Variants in WWOX observed in about 807,000 individuals in gnomAD.
The protein encoded by WWOX is WW domain containing oxidoreductase, also known as WW domain-containing oxidoreductase.
WWOX carries 69 observed loss-of-function variants against 46.2 expected under a neutral mutation model. The observed-to-expected ratio is 1.49, with a 90% CI of 1.23 to 1.82. WWOX has a LOEUF of 1.82. Among genes scored for constraint, WWOX ranks in the 40% most tolerant of loss-of-function variants. The probability of loss-of-function intolerance (pLI) is 0.00; values close to 1 mark genes in which losing one functional copy is unlikely to be tolerated. For synonymous variants in WWOX, 359 were observed against 202.6 expected (o/e 1.77, Z -6.56); for missense variants, 919 against 542.6 (o/e 1.69, Z -6.89).
At chr16:78,778,221 A>G (rs978629563) in intron 8 of WWOX, among the ~76,000 whole-genome samples, 2 of 151,970 alleles carry the variant, frequency 1.3e-5, no homozygotes, top group Admixed American at 6.6e-5. Context: ...CAGGCAGCCT[A>G]TTTCTTGAAT....
chr16:78,433,696 C>A (rs73572844), intron 8 of WWOX, among the ~76,000 whole-genome samples: 2,662 of 151,782 alleles, frequency 0.018, 76 homozygotes, highest in African/African-American at 0.06. Flanking sequence ...TCCAGCTGAT[C>A]TCACGACCTT....
chr16:78,356,581 C>G (rs1245150609), intron 5 of WWOX, among the ~76,000 whole-genome samples: 2 of 152,082 alleles, frequency 1.3e-5, no homozygotes, highest in African/African-American at 4.8e-5. Context: ...GAAAGACTAT[C>G]ACATGGAAAC....
intron 8 of WWOX, among the ~76,000 whole-genome samples, chr16:78,864,754 CTTTTTTT>C (rs57606576): frequency 2.2e-4 from 19 of 87,158 alleles, no homozygotes; most frequent in East Asian, 1.2e-3. Context: ...TCTCCAACTC[CTTTTTTT>C]TTTTTTTTTT....
At chr16:78,939,393 G>C (rs1377354763) in intron 8 of WWOX, among the ~76,000 whole-genome samples, 3 of 152,096 alleles carry the variant, frequency 2.0e-5, no homozygotes, top group South Asian at 4.1e-4. Flanking sequence ...TTTTCTTTTT[G>C]TGCATTACTT....
chr16:78,677,451 A>G (rs1191444898), intron 8 of WWOX, among the ~76,000 whole-genome samples: 1 of 152,192 alleles, frequency 6.6e-6, no homozygotes, highest in Non-Finnish European at 1.5e-5. Flanking sequence ...TTTCACAAAA[A>G]AAATTCGGAT....
intron 8 of WWOX, among the ~76,000 whole-genome samples, chr16:79,071,026 A>T (rs1110562): frequency 6.6e-6 from 1 of 152,172 alleles, no homozygotes. Context: ...CGAGGGATGC[A>T]GCCCATACGT....
intron 5 of WWOX, among the ~76,000 whole-genome samples, chr16:78,382,477 T>A (rs1597136529): frequency 6.6e-6 from 1 of 152,162 alleles, no homozygotes; most frequent in Non-Finnish European, 1.5e-5. Context: ...AATTCTGGGT[T>A]ATTCTAATTA....
intron 8 of WWOX, among the ~76,000 whole-genome samples, chr16:78,473,445 T>C (rs1427533002): frequency 1.3e-5 from 2 of 152,160 alleles, no homozygotes; most frequent in Non-Finnish European, 2.9e-5. Context: ...TGATACAGTA[T>C]GACAAGGGAA....
chr16:78,735,836 C>G (rs965403659), intron 8 of WWOX, among the ~76,000 whole-genome samples: 4 of 152,318 alleles, frequency 2.6e-5, no homozygotes, highest in Middle Eastern at 3.4e-3. Context: ...AGGGGATGCT[C>G]CACACCTTTC....
chr16:78,639,043 G>T (rs8043742), intron 8 of WWOX, among the ~76,000 whole-genome samples: 1 of 152,086 alleles, frequency 6.6e-6, no homozygotes, highest in Non-Finnish European at 1.5e-5. Flanking sequence ...GTCTTATGGG[G>T]GATGAACAGA....
At chr16:78,377,318 T>C (rs1056991234) in intron 5 of WWOX, among the ~76,000 whole-genome samples, 11 of 152,242 alleles carry the variant, frequency 7.2e-5, no homozygotes, top group Non-Finnish European at 1.2e-4. Context: ...TAATGGTGTC[T>C]GCTGAAGGAT....
At chr16:79,180,123 A>G (rs1330417215) in intron 8 of WWOX, among the ~76,000 whole-genome samples, 1 of 152,172 alleles carries the variant, frequency 6.6e-6, no homozygotes, top group East Asian at 1.9e-4. Context: ...ATGTTAGAAG[A>G]GACTCTGGGG....
At chr16:78,913,298 C>T (rs1320379824) in intron 8 of WWOX, among the ~76,000 whole-genome samples, 1 of 151,908 alleles carries the variant, frequency 6.6e-6, no homozygotes, top group African/African-American at 2.4e-5. Flanking sequence ...TTTGCCTCTT[C>T]CTGGTTCATG....
chr16:79,058,208 C>T (rs9929289), intron 8 of WWOX, among the ~76,000 whole-genome samples: 93,216 of 151,266 alleles, frequency 0.62, 29,860 homozygotes, highest in African/African-American at 0.79. Context: ...CAGGCAGATA[C>T]AGGTGTGCCC....
At chr16:79,044,504 C>G (rs1323794780) in intron 8 of WWOX, among the ~76,000 whole-genome samples, 1 of 152,170 alleles carries the variant, frequency 6.6e-6, no homozygotes, top group Non-Finnish European at 1.5e-5. Context: ...GTCTCTTGCT[C>G]CTGCCCTGGC....
intron 8 of WWOX, among the ~76,000 whole-genome samples, chr16:79,064,502 T>C (rs1484632224): frequency 6.6e-6 from 1 of 152,198 alleles, no homozygotes; most frequent in African/African-American, 2.4e-5. Context: ...ATTTGAGGCG[T>C]GTCTAGGAAC....
At chr16:78,732,638 G>A (rs1323853573) in intron 8 of WWOX, among the ~76,000 whole-genome samples, 1 of 152,124 alleles carries the variant, frequency 6.6e-6, no homozygotes, top group African/African-American at 2.4e-5. Flanking sequence ...AGATTTATCA[G>A]AAATTAAAAC....
chr16:78,108,693 A>G (rs2032308054), intron 2 of WWOX, among the ~76,000 whole-genome samples: 2 of 152,226 alleles, frequency 1.3e-5, no homozygotes, highest in African/African-American at 4.8e-5. Flanking sequence ...TACTGGTCTT[A>G]AAGTACCAAA....
chr16:78,509,730 G>A (rs1597187718), intron 8 of WWOX, among the ~76,000 whole-genome samples: 2 of 152,128 alleles, frequency 1.3e-5, no homozygotes, highest in East Asian at 3.9e-4. Flanking sequence ...GACTTAGAAA[G>A]TGATTGCAAT....
Sources: allele counts gnomAD v4.1 joint callset (sites outside exome capture counted in the v4.1 genomes callset), GRCh38; gene constraint gnomAD v4.1.1; transcripts MANE v1.5; gene names NCBI Gene and HGNC (gene_info 2026-07-23, HGNC 2026-07-21).